Variants in WDR27 observed in about 807,000 individuals in gnomAD.
The protein encoded by WDR27 is WD repeat domain 27, also known as WD repeat-containing protein 27.
A neutral mutation model predicts 114.4 loss-of-function variants in WDR27; 100 were observed. The observed-to-expected ratio is 0.87, with a 90% CI of 0.74 to 1.03. The LOEUF is 1.03. WDR27 is among the 50% of genes least tolerant of loss of function. WDR27 has a pLI of 0.00. For missense variants in WDR27, 1,129 were observed against 1,092.9 expected (o/e 1.03, Z -0.47); for synonymous variants, 449 against 423.1 (o/e 1.06, Z -0.75).
chr6:169,660,268 T>C (rs867850162), intron 10 of WDR27, among the ~76,000 whole-genome samples: 3 of 151,764 alleles, frequency 2.0e-5, no homozygotes, highest in Non-Finnish European at 2.9e-5. Context: ...GGAGCCAGGG[T>C]TGGAGAGGAG....
downstream of WDR27, among the ~76,000 whole-genome samples, chr6:169,456,559 G>A (rs531506590): frequency 3.3e-5 from 5 of 152,242 alleles, no homozygotes; most frequent in South Asian, 6.2e-4. This position sits in a 1 kb window ranked among gnomAD's most constrained non-coding sequence, Gnocchi z 4.0. Context: ...TCTTATAACC[G>A]TGGGGTCCTG....
chr6:169,662,502 C>T (rs1254688709), intron 8 of WDR27, 78 bp from the exon 9 acceptor site: 20 of 1,545,356 alleles, frequency 1.3e-5, no homozygotes, highest in African/African-American at 2.7e-5. Flanking sequence ...GACTGCCACA[C>T]AGAGATGCTG....
chr6:169,489,943 A>C (rs1789525336), intron 25 of WDR27, among the ~76,000 whole-genome samples: 1 of 152,180 alleles, frequency 6.6e-6, no homozygotes. Context: ...CAACTTCACA[A>C]ACTACATTCT....
chr6:169,649,075 C>T, intron 15 of WDR27, 123 bp downstream of exon 15: 2 of 743,086 alleles, frequency 2.7e-6, no homozygotes, highest in Middle Eastern at 2.4e-4. Context: ...TATCTGTGTA[C>T]ATATGTGTGT....
At chr6:169,675,042 A>T (rs916634624) in intron 2 of WDR27, among the ~76,000 whole-genome samples, 2 of 152,168 alleles carry the variant, frequency 1.3e-5, no homozygotes, top group African/African-American at 4.8e-5. Flanking sequence ...TTTGTGGTGG[A>T]ATGTCATCAG....
At chr6:169,504,151 T>C (rs1791707191) in intron 25 of WDR27, among the ~76,000 whole-genome samples, 1 of 152,218 alleles carries the variant, frequency 6.6e-6, no homozygotes, top group South Asian at 2.1e-4. Context: ...AATATACTAG[T>C]AGGAATTCAA....
At chr6:169,614,706 AAAAAG>A (rs1453692668) in intron 21 of WDR27, among the ~76,000 whole-genome samples, 2 of 151,956 alleles carry the variant, frequency 1.3e-5, no homozygotes, top group African/African-American at 2.4e-5. Context: ...AAAAGAAAAG[AAAAAG>A]AAAAGAAAAG....
intron 25 of WDR27, among the ~76,000 whole-genome samples, chr6:169,545,028 A>G (rs1351676986): frequency 6.6e-6 from 1 of 152,252 alleles, no homozygotes; most frequent in Non-Finnish European, 1.5e-5. Flanking sequence ...AAATTCCAAA[A>G]AGAATTTTTG....
At chr6:169,652,845 T>C (rs144267730) in intron 13 of WDR27, among the ~76,000 whole-genome samples, 3,138 of 152,352 alleles carry the variant, frequency 0.021, 57 homozygotes, top group African/African-American at 0.057. Flanking sequence ...CTATCGTTAG[T>C]TGCGAACCAC....
intron 6 of WDR27, 125 bp downstream of exon 6, chr6:169,667,011 G>T: frequency 1.5e-6 from 2 of 1,295,076 alleles, no homozygotes; most frequent in Non-Finnish European, 9.8e-7. Context: ...AGGGCTGTAA[G>T]TCTGAGATTG....
rs550456197 is a variant in WDR27, at chr6:169,600,782, C to T, written c.2424+1437G>A. ...TTAGAGAAAAAAGAATAAAAAGAAA[C>T]AAACAAAGCCTCCAAGAAATATGGG... On this transcript the variant is annotated intron_variant, in intron 23 of 25. Transcript: ENST00000448612. 1.5e-3 allele frequency among the ~76,000 whole-genome samples: 229 copies of T among 152,238 alleles called. 4 individuals carry two copies. In the East Asian group the frequency reaches 0.034, roughly 23 times the overall value.
intron 25 of WDR27, among the ~76,000 whole-genome samples, chr6:169,459,536 T>C (rs1784667994): frequency 1.3e-5 from 2 of 151,558 alleles, no homozygotes. Flanking sequence ...TATAAATGTA[T>C]ATATATACAT....
At chr6:169,471,647 G>A (rs1265780825) in intron 25 of WDR27, among the ~76,000 whole-genome samples, 2 of 152,192 alleles carry the variant, frequency 1.3e-5, no homozygotes. Flanking sequence ...ATTAGAGTAA[G>A]TATTCCCTGA....
rs148745789 is a variant in WDR27, at chr6:169,591,099, G to A, written c.2425-8165C>T. The stretch of plus-strand genomic sequence containing the variant: ...GGCTACCTCATTTTGCATTCCCACC[G>A]ACTGTGCGGGAGCTCCCCTTTCTCC... On this transcript the variant is annotated intron_variant, in intron 23 of 25. Coordinates refer to ENST00000448612, the MANE Select transcript of WDR27 (RefSeq NM_182552.5). Among the ~76,000 whole-genome samples, 1,081 of 152,232 alleles carry A rather than the reference G, an allele frequency of 7.1e-3. 7 individuals carry two copies. Among genetic ancestry groups the A allele is most frequent in the African/African-American group, 0.01 (436 of 41,552 alleles).
chr6:169,467,007 A>G (rs187837672), intron 25 of WDR27, among the ~76,000 whole-genome samples: 6 of 152,280 alleles, frequency 3.9e-5, no homozygotes, highest in Admixed American at 2.6e-4. Context: ...AATGGAAGAA[A>G]TTGGCCAAAA....
the WDR27 span, among the ~76,000 whole-genome samples, chr6:169,449,011 A>G: frequency 2.6e-5 from 4 of 152,238 alleles, no homozygotes; most frequent in African/African-American, 9.6e-5. Flanking sequence ...TAGCTGGCAT[A>G]TAAGAACTAA....
chr6:169,624,864 C>G lies in WDR27; in HGVS notation c.2223+8083G>C, dbSNP rs78284067. ...TCACTGCAGCTCCAGGTAGATGGCACGAGACCAGGAACACAGGTTCCCTTG... is the reference window on the plus strand; with the variant it reads ...TCACTGCAGCTCCAGGTAGATGGCAGGAGACCAGGAACACAGGTTCCCTTG... On this transcript the variant is annotated intron_variant, in intron 21 of 25. Coordinates refer to ENST00000448612, the MANE Select transcript of WDR27 (RefSeq NM_182552.5). Among the ~76,000 whole-genome samples the G allele has an allele frequency of 1.3e-3, 200 of 152,200 alleles. 4 individuals are homozygous for G. The East Asian group carries it at 0.031, about 24-fold the overall frequency.
intron 23 of WDR27, among the ~76,000 whole-genome samples, chr6:169,585,788 G>A (rs1804426057): frequency 1.3e-5 from 2 of 152,156 alleles, no homozygotes; most frequent in Admixed American, 1.3e-4. Flanking sequence ...AGCAGGGGTT[G>A]GTTTTGCCGT....
intron 23 of WDR27, among the ~76,000 whole-genome samples, chr6:169,599,258 T>C (rs942589176): frequency 3.9e-5 from 6 of 151,926 alleles, no homozygotes; most frequent in Non-Finnish European, 5.9e-5. Context: ...GATTTGGAAG[T>C]GAACAAAGAT....
Sources: allele counts gnomAD v4.1 joint callset (sites outside exome capture counted in the v4.1 genomes callset), GRCh38; gene constraint gnomAD v4.1.1; non-coding constraint Gnocchi (gnomAD v3.1); transcripts MANE v1.5; gene names NCBI Gene and HGNC (gene_info 2026-07-23, HGNC 2026-07-21).